CEP290: variants seen among roughly 807,000 people sequenced by gnomAD.
CEP290 encodes the protein centrosomal protein of 290 kDa.
CEP290 carries 317 observed loss-of-function variants against 344.9 expected under a neutral mutation model. That is an observed-to-expected ratio of 0.92 (90% CI 0.84 to 1.01). CEP290 has a LOEUF of 1.01. Among genes scored for constraint, CEP290 ranks in the 50% least tolerant of loss-of-function variants. The probability of loss-of-function intolerance (pLI) is 0.00; values close to 1 mark genes in which losing one functional copy is unlikely to be tolerated. For missense variants in CEP290, 2,754 were observed against 2,761.4 expected (o/e 1.00, Z 0.06); for synonymous variants, 932 against 895.8 (o/e 1.04, Z -0.72).
chr12:88,050,675 T>C (rs1381111866), intron 52 of CEP290, among the ~76,000 whole-genome samples: 3 of 152,192 alleles, frequency 2.0e-5, no homozygotes, highest in Non-Finnish European at 4.4e-5. Flanking sequence ...GTAGGCCAAG[T>C]TATTTTTTCT....
rs966254899 is a variant in CEP290, at chr12:88,072,028, T to C, written c.5710-102A>G. On this transcript the variant is annotated intron_variant, in intron 41 of 53. Coordinates refer to ENST00000552810, the MANE Select transcript of CEP290 (RefSeq NM_025114.4). ...TGCCTAGAAAAATTGTAAACTAATA[T>C]TTCCTAGAGAATATGTAAATATGTT... 4 of 1,067,266 alleles carry C rather than the reference T, an allele frequency of 3.7e-6. No individual in the cohort carries two copies. In the Middle Eastern group the frequency reaches 8.6e-4, roughly 228 times the overall value. 66.1% of individuals were successfully genotyped at this position (1,067,266 alleles called of 1,614,324 possible).
At position 88,077,326 on chromosome 12, in the gene CEP290, T is replaced by C; in HGVS notation, c.5605A>G (p.Asn1869Asp). 1 of 1,570,590 alleles carries C rather than the reference T, an allele frequency of 6.4e-7. No individual in the cohort carries two copies. The highest frequency in any genetic ancestry group is 1.2e-5 in the South Asian group (1 of 84,822). ...SGLQGKPLTD[N>D]KQSLIEELQR... ...AGTTCTTCAATTAGACTTTGTTTAT[T>C]ATCTGTCAGGGGTTTGCCCTAAAAA... is the stretch of plus-strand genomic sequence containing the variant. The change falls in exon 41 of 54, where the codon AAT becomes GAT. Residue 1869 changes from asparagine to aspartate, a missense_variant. Coordinates refer to ENST00000552810, the MANE Select transcript of CEP290 (RefSeq NM_025114.4).
chr12:88,136,642 C>G lies in CEP290; in HGVS notation c.441+1G>C, dbSNP rs1184012636. ...ATTCATGGAAAAAAAAAGTGCTTTACTTGCTCATTAACTTTCTTCTCTTTC... is the reference window on the plus strand; with the variant it reads ...ATTCATGGAAAAAAAAAGTGCTTTAGTTGCTCATTAACTTTCTTCTCTTTC... On this transcript the variant is annotated splice_donor_variant, in intron 6 of 53. Transcript: ENST00000552810. LOFTEE classifies it high-confidence loss of function. The G allele has an allele frequency of 1.9e-6, 3 of 1,613,376 alleles. No homozygotes were observed. The highest frequency in any genetic ancestry group is 1.7e-5 in the Admixed American group (1 of 59,992).
chr12:88,088,560 A>T (rs1315133675), intron 31 of CEP290, among the ~76,000 whole-genome samples: 3 of 152,220 alleles, frequency 2.0e-5, no homozygotes, highest in African/African-American at 7.2e-5. Context: ...TTTTATTTTT[A>T]CGTATAATAG....
intron 35 of CEP290, 85 bp downstream of exon 35, chr12:88,084,501 A>G (rs2036427012): frequency 8.3e-7 from 1 of 1,212,056 alleles, no homozygotes; most frequent in Non-Finnish European, 1.2e-6. Flanking sequence ...CAAGAAAAGA[A>G]ATACCACTTT....
At chr12:88,131,711 G>A (rs921329948) in intron 6 of CEP290, among the ~76,000 whole-genome samples, 9 of 151,904 alleles carry the variant, frequency 5.9e-5, no homozygotes, top group Admixed American at 5.2e-4. Context: ...AAAACTTAAG[G>A]ATTTAAGGAT....
chr12:88,129,196 A>G (rs2039921053), intron 10 of CEP290, among the ~76,000 whole-genome samples, 161 bp from the exon 11 acceptor site: 1 of 151,830 alleles, frequency 6.6e-6, no homozygotes, highest in African/African-American at 2.4e-5. Context: ...TACATTACAT[A>G]TGTGTATTTA....
chr12:88,092,510 A>G (rs2037128856), intron 29 of CEP290, among the ~76,000 whole-genome samples, 171 bp downstream of exon 29: 1 of 152,142 alleles, frequency 6.6e-6, no homozygotes, highest in Non-Finnish European at 1.5e-5. Flanking sequence ...TCTCGTCAAT[A>G]TTATTATTTA....
At chr12:88,053,137 AT>A (rs1191372749) in intron 52 of CEP290, among the ~76,000 whole-genome samples, 1 of 152,172 alleles carries the variant, frequency 6.6e-6, no homozygotes, top group East Asian at 1.9e-4. Flanking sequence ...ATACAAACAC[AT>A]GTATGCATAT....
At chr12:88,062,862 C>A in intron 45 of CEP290, 84 bp from the exon 46 acceptor site, 1 of 830,144 alleles carries the variant, frequency 1.2e-6, no homozygotes, top group Non-Finnish European at 1.9e-6. Context: ...TAAGAACCAT[C>A]AATCTCTTCA....
intron 43 of CEP290, 28 bp downstream of exon 43, chr12:88,071,266 G>C: frequency 6.4e-7 from 1 of 1,567,338 alleles, no homozygotes; most frequent in Non-Finnish European, 8.7e-7. Context: ...CATTACAATG[G>C]GTGGCACATT....
chr12:88,079,518 T>C (rs925485156), intron 38 of CEP290, among the ~76,000 whole-genome samples: 4 of 152,288 alleles, frequency 2.6e-5, no homozygotes, highest in African/African-American at 9.6e-5. Context: ...TGTTTTGTTT[T>C]CAAACATCCA....
chr12:88,078,382 G>T (rs1384462697), intron 39 of CEP290, among the ~76,000 whole-genome samples: 2 of 152,078 alleles, frequency 1.3e-5, no homozygotes, highest in African/African-American at 4.8e-5. Flanking sequence ...TATGCCACTA[G>T]AAAGGAGTTC....
chr12:88,060,900 A>C lies in CEP290; in HGVS notation c.6452T>G (p.Leu2151Trp), dbSNP rs191613017. The C allele has an allele frequency of 7.7e-6, 12 of 1,552,852 alleles. No homozygotes were observed. The African/African-American group carries it at 1.1e-4, about 14-fold the overall frequency. The change falls in exon 47 of 54, where the codon TTG (leucine) becomes TGG (tryptophan). Residue 2151 changes from leucine (L) to tryptophan (W), a missense_variant. Physicochemically the swap from Leu to Trp is moderately conservative, Grantham distance 61 (BLOSUM62 -2). Transcript: ENST00000552810. ...AGTCAATATTCCTGATGCTTTTTTC[A>C]ACTGTTCATTTTCTCTCTGGACTTT... ...VEKVQRENEQ[L>W]KKASGILTSE...
intron 43 of CEP290, 76 bp from the exon 44 acceptor site, chr12:88,068,721 TAAA>T: frequency 6.9e-7 from 1 of 1,457,452 alleles, no homozygotes; most frequent in Non-Finnish European, 9.1e-7. Flanking sequence ...AAATACAAGA[TAAA>T]AAAAGAAAAG....
intron 49 of CEP290, among the ~76,000 whole-genome samples, chr12:88,057,048 A>T (rs2034066610): frequency 6.6e-6 from 1 of 152,188 alleles, no homozygotes; most frequent in East Asian, 1.9e-4. Flanking sequence ...TATCGTTCTC[A>T]GACGAAAAAC....
At chr12:88,136,818 T>C in intron 5 of CEP290, 32 bp from the exon 6 acceptor site, 1 of 1,601,466 alleles carries the variant, frequency 6.2e-7, no homozygotes, top group South Asian at 1.1e-5. Context: ...TATAAATTAA[T>C]CCCATTATAT....
At chr12:88,092,503 C>T (rs796856315) in intron 29 of CEP290, among the ~76,000 whole-genome samples, 178 bp downstream of exon 29, 55 of 152,130 alleles carry the variant, frequency 3.6e-4, no homozygotes, top group African/African-American at 1.2e-3. Context: ...ATATTATTCT[C>T]GTCAATATTA....
At chr12:88,059,083 G>A (rs1470082099) in intron 48 of CEP290, 63 bp from the exon 49 acceptor site, 2 of 1,315,232 alleles carry the variant, frequency 1.5e-6, no homozygotes, top group Non-Finnish European at 2.1e-6. Context: ...TAGATTCAGT[G>A]TATTCAAAAT....
Sources: gnomAD v4.1 joint callset for allele counts (sites outside exome capture counted in the v4.1 genomes callset) on GRCh38, gnomAD v4.1.1 for gene constraint, MANE v1.5 for transcripts, NCBI Gene and HGNC (gene_info 2026-07-23, HGNC 2026-07-21) for gene names.